FHIT: variants seen among roughly 807,000 people sequenced by gnomAD.
The protein encoded by FHIT is bis(5'-adenosyl)-triphosphatase.
A neutral mutation model predicts 17.9 loss-of-function variants in FHIT; 19 were observed. The ratio of observed to expected loss-of-function variants is 1.06; its 90% CI spans 0.74 to 1.56. The LOEUF is 1.56. Among genes scored for constraint, FHIT ranks in the 40% most tolerant of loss-of-function variants. The pLI is 0.00. For missense variants in FHIT, 248 were observed against 189.2 expected, an observed-to-expected ratio of 1.31 and a Z score of -1.82; for synonymous variants, 81 against 69.7, an observed-to-expected ratio of 1.16 and a Z score of -0.81.
intron 5 of FHIT, among the ~76,000 whole-genome samples, chr3:60,350,098 T>C (rs1711010875): frequency 6.6e-6 from 1 of 152,090 alleles, no homozygotes; most frequent in Non-Finnish European, 1.5e-5. Flanking sequence ...AATTAACAGA[T>C]TATTACAGTA....
chr3:60,688,020 T>C (rs2040898517), intron 4 of FHIT, among the ~76,000 whole-genome samples: 1 of 152,152 alleles, frequency 6.6e-6, no homozygotes, highest in African/African-American at 2.4e-5. Context: ...ATTCTATTGT[T>C]CTTTCTTTTT....
chr3:60,692,668 T>A (rs1295683724), intron 4 of FHIT, among the ~76,000 whole-genome samples: 5 of 152,130 alleles, frequency 3.3e-5, no homozygotes, highest in African/African-American at 1.2e-4. Flanking sequence ...CTAATATCCA[T>A]CTATTTCAAA....
At chr3:59,896,498 G>C (rs555348246) in intron 8 of FHIT, among the ~76,000 whole-genome samples, 1 of 152,246 alleles carries the variant, frequency 6.6e-6, no homozygotes, top group East Asian at 1.9e-4. Context: ...CTAGCACCAA[G>C]AGTAACTCAG....
chr3:60,030,718 G>A (rs1248641262), intron 5 of FHIT, among the ~76,000 whole-genome samples: 5 of 152,114 alleles, frequency 3.3e-5, no homozygotes, highest in African/African-American at 1.2e-4. Flanking sequence ...GTGGGTCAAT[G>A]GATGGATGGA....
intron 7 of FHIT, among the ~76,000 whole-genome samples, chr3:59,965,158 C>T (rs1707865395): frequency 1.3e-5 from 2 of 152,022 alleles, no homozygotes; most frequent in South Asian, 4.1e-4. Flanking sequence ...TGACAGCAAT[C>T]AATAATAGCA....
chr3:60,419,451 C>G (rs183324989), intron 5 of FHIT, among the ~76,000 whole-genome samples: 41 of 152,308 alleles, frequency 2.7e-4, no homozygotes, highest in African/African-American at 8.7e-4. Flanking sequence ...CTCCCACCAC[C>G]ACTGTAAGCC....
intron 8 of FHIT, among the ~76,000 whole-genome samples, chr3:59,897,114 A>G (rs1704106891): frequency 6.6e-6 from 1 of 152,216 alleles, no homozygotes; most frequent in African/African-American, 2.4e-5. Flanking sequence ...TCTAAAGTTT[A>G]TATAGTCTTG....
intron 5 of FHIT, among the ~76,000 whole-genome samples, chr3:60,438,961 G>T (rs1426851260): frequency 1.3e-5 from 2 of 152,134 alleles, no homozygotes; most frequent in East Asian, 3.9e-4. Flanking sequence ...AAGAATATAA[G>T]AGACTGATGA....
intron 3 of FHIT, among the ~76,000 whole-genome samples, chr3:60,919,078 A>C (rs1272258098): frequency 6.6e-6 from 1 of 152,154 alleles, no homozygotes; most frequent in Non-Finnish European, 1.5e-5. Flanking sequence ...TCAACCTTTA[A>C]AGTAAGCAAA....
At chr3:59,913,944 T>C (rs1368930189) in intron 8 of FHIT, among the ~76,000 whole-genome samples, 1 of 152,178 alleles carries the variant, frequency 6.6e-6, no homozygotes, top group Non-Finnish European at 1.5e-5. Context: ...CTATTCTAAA[T>C]CTGGGGAAGG....
intron 5 of FHIT, among the ~76,000 whole-genome samples, chr3:60,413,789 TCAG>T (rs1291164293): frequency 2.0e-5 from 3 of 152,150 alleles, no homozygotes; most frequent in Admixed American, 6.5e-5. Context: ...AAAATGCAGA[TCAG>T]AAGAAACATA....
At chr3:59,751,972 A>C in intron 9 of FHIT, 1 of 415,408 alleles carries the variant, frequency 2.4e-6, no homozygotes, top group Non-Finnish European at 4.3e-6. Context: ...AGACTGGAGA[A>C]AGGTGGTGGT....
chr3:60,226,527 G>A (rs533831593), intron 5 of FHIT, among the ~76,000 whole-genome samples: 4 of 144,184 alleles, frequency 2.8e-5, no homozygotes, highest in African/African-American at 5.2e-5. Flanking sequence ...AACATGTTCT[G>A]TAATCCCTCT....
chr3:61,209,349 T>G (rs985230471), intron 1 of FHIT, among the ~76,000 whole-genome samples: 3 of 152,152 alleles, frequency 2.0e-5, no homozygotes, highest in Admixed American at 6.5e-5. Flanking sequence ...ATTTCCTAAA[T>G]CTGAATGTTG....
intron 2 of FHIT, among the ~76,000 whole-genome samples, chr3:61,056,326 C>T (rs963874049): frequency 2.0e-5 from 3 of 152,196 alleles, no homozygotes; most frequent in African/African-American, 7.2e-5. Context: ...CAAAAGGAAG[C>T]GAGGTTGAAG....
At chr3:59,758,088 C>A (rs1296512891) in intron 8 of FHIT, among the ~76,000 whole-genome samples, 1 of 152,140 alleles carries the variant, frequency 6.6e-6, no homozygotes, top group East Asian at 1.9e-4. Context: ...GTATCTGGGG[C>A]AGGGGGAGAC....
rs191714899 is a variant in FHIT at position 61,218,278 on chromosome 3, A to G, written c.-212-17613T>C. ...CTACATAAGAGAGAGAACAGTTGCC[A>G]GAGAAGTAAAACTAAATCCTCAAGA... On this transcript the variant is annotated intron_variant, in intron 1 of 9. Coordinates refer to ENST00000492590, the MANE Select transcript of FHIT (RefSeq NM_002012.4). Among the ~76,000 whole-genome samples the G allele has an allele frequency of 5.0e-3, 769 of 152,302 alleles. 8 individuals are homozygous for G. The highest frequency in any genetic ancestry group is 0.018 in the African/African-American group (738 of 41,570).
chr3:60,485,334 C>G (rs1035704235), intron 5 of FHIT, among the ~76,000 whole-genome samples: 1 of 152,140 alleles, frequency 6.6e-6, no homozygotes, highest in Non-Finnish European at 1.5e-5. Context: ...AATCATTCTA[C>G]TATAAAGACA....
intron 4 of FHIT, among the ~76,000 whole-genome samples, chr3:60,799,054 T>C (rs1487466743): frequency 6.6e-6 from 1 of 152,202 alleles, no homozygotes; most frequent in African/African-American, 2.4e-5. Flanking sequence ...ATTCTTGCCC[T>C]CACCAACCTA....
Sources: allele counts gnomAD v4.1 joint callset (sites outside exome capture counted in the v4.1 genomes callset), GRCh38; gene constraint gnomAD v4.1.1; transcripts MANE v1.5; gene names NCBI Gene and HGNC (gene_info 2026-07-23, HGNC 2026-07-21).